The following ABCD2 variants were observed in gnomAD, a reference collection of about 807,000 sequenced individuals.
ABCD2 encodes ATP-binding cassette sub-family D member 2.
In ABCD2, 36 loss-of-function variants were observed where a neutral mutation model predicts 70.9. The ratio of observed to expected loss-of-function variants is 0.51; its 90% CI spans 0.39 to 0.67. ABCD2 has a LOEUF of 0.67. Ranked by LOEUF, ABCD2 falls within the 30% of genes least tolerant of loss-of-function variation. ABCD2 has a pLI of 0.00. For missense variants in ABCD2, 729 were observed against 890.2 expected, an observed-to-expected ratio of 0.82 and a Z score of 2.30; for synonymous variants, 304 against 306.9, an observed-to-expected ratio of 0.99 and a Z score of 0.10.
intron 5 of ABCD2, among the ~76,000 whole-genome samples, 193 bp downstream of exon 5, chr12:39,603,719 T>C (rs1231472889): frequency 1.3e-5 from 2 of 152,078 alleles, no homozygotes. Flanking sequence ...AATAAAGCAG[T>C]AGAAATCAAA....
chr12:39,570,434 T>C (rs1386658190), intron 9 of ABCD2, among the ~76,000 whole-genome samples: 4 of 152,180 alleles, frequency 2.6e-5, no homozygotes, highest in Non-Finnish European at 5.9e-5. Context: ...TAAATCCTTG[T>C]ATTTATAGTC....
intron 5 of ABCD2, among the ~76,000 whole-genome samples, chr12:39,602,255 C>T (rs560665502): frequency 4.4e-4 from 66 of 151,690 alleles, no homozygotes; most frequent in African/African-American, 1.4e-3. Context: ...TGGGTTCAAG[C>T]GATTCTTGTG....
At chr12:39,569,152 G>T (rs987265133) in intron 9 of ABCD2, among the ~76,000 whole-genome samples, 1 of 152,214 alleles carries the variant, frequency 6.6e-6, no homozygotes, top group Non-Finnish European at 1.5e-5. Flanking sequence ...TCTCTTCAAA[G>T]TTGTCAGACA....
At chr12:39,557,750 T>C (rs1941191131) in intron 9 of ABCD2, among the ~76,000 whole-genome samples, 1 of 152,094 alleles carries the variant, frequency 6.6e-6, no homozygotes, top group Non-Finnish European at 1.5e-5. Flanking sequence ...CTTCTGAGGG[T>C]ACAAGCCCCA....
chr12:39,593,223 A>C (rs899169151), intron 6 of ABCD2, among the ~76,000 whole-genome samples: 3 of 152,126 alleles, frequency 2.0e-5, no homozygotes, highest in African/African-American at 7.2e-5. Flanking sequence ...TAGAAAATGG[A>C]ACTTCACAGC....
At position 39,619,357 on chromosome 12, in the gene ABCD2, G is replaced by C. The variant is rs762731548; in HGVS notation, c.259C>G (p.Gln87Glu). Reference sequence around the variant, plus strand: ...AAAATTTTCCGAAGTTCTAGTAGCTGTTTGAAGAAATCTGCATTCACTCCA... The same window carrying C: ...AAAATTTTCCGAAGTTCTAGTAGCTCTTTGAAGAAATCTGCATTCACTCCA... ...SPGVNADFFKQLLELRKILFP... is the reference protein window; with the variant it reads ...SPGVNADFFKELLELRKILFP... Residue 87 changes from glutamine (Q) to glutamate (E), a missense_variant, in exon 1 of 10, where the codon CAG becomes GAG. This residue lies in a region of ABCD2 where 245 missense variants were observed against 261.2 expected (regional missense o/e 0.94). Coordinates refer to ENST00000308666, the MANE Select transcript of ABCD2 (RefSeq NM_005164.4). The C allele has an allele frequency of 1.1e-5, 17 of 1,613,966 alleles. No homozygotes were observed. The highest frequency in any genetic ancestry group is 8.5e-7 in the Non-Finnish European group (1 of 1,180,036).
intron 9 of ABCD2, among the ~76,000 whole-genome samples, chr12:39,570,813 A>G (rs953549528): frequency 6.6e-6 from 1 of 152,180 alleles, no homozygotes; most frequent in African/African-American, 2.4e-5. Context: ...GAATGAAGAG[A>G]TACCTATCAA....
the ABCD2 span, among the ~76,000 whole-genome samples, chr12:39,540,231 G>A: frequency 6.6e-6 from 1 of 152,182 alleles, no homozygotes; most frequent in Admixed American, 6.5e-5. Context: ...GTGAAGAGTG[G>A]TGATCTGATT....
intron 5 of ABCD2, among the ~76,000 whole-genome samples, chr12:39,602,737 T>A (rs1941917101): frequency 6.6e-6 from 1 of 152,184 alleles, no homozygotes; most frequent in African/African-American, 2.4e-5. Flanking sequence ...TCTAAATTTT[T>A]CTGCAGAAAG....
At chr12:39,533,283 A>G in the ABCD2 span, among the ~76,000 whole-genome samples, 3 of 152,234 alleles carry the variant, frequency 2.0e-5, no homozygotes, top group African/African-American at 7.2e-5. Context: ...CTTTCCTTAT[A>G]CATCTTGACT....
chr12:39,607,642 G>C lies in ABCD2; in HGVS notation c.1193C>G (p.Ser398Cys), dbSNP rs1941986995. ...AFTTARNLLA[S>C]GADAIERIMS... ...AATCCTTTCAATAGCATCAGCTCCA[G>C]AGGCCAGTAAATTTCGAGCAGTGGT... is the stretch of plus-strand genomic sequence containing the variant. Residue 398 changes from serine to cysteine, a missense_variant, in exon 3 of 10, where the codon TCT (serine) becomes TGT (cysteine). By Grantham distance (112) the Ser-to-Cys change is moderately radical. This residue lies in a region of ABCD2 where 195 missense variants were observed against 300.2 expected (regional missense o/e 0.65). Transcript: ENST00000308666. The C allele has an allele frequency of 6.2e-7, 1 of 1,613,526 alleles. No homozygotes were observed. The highest frequency in any genetic ancestry group is 8.5e-7 in the Non-Finnish European group (1 of 1,179,834).
At chr12:39,559,477 A>T (rs190389536) in intron 9 of ABCD2, among the ~76,000 whole-genome samples, 1 of 151,744 alleles carries the variant, frequency 6.6e-6, no homozygotes, top group South Asian at 2.1e-4. Flanking sequence ...TAAATAAATC[A>T]TAGCAGAAAC....
Position 39,578,473 on chromosome 12 carries a change from C to CAA in ABCD2, c.1877+1060_1877+1061dup, listed in dbSNP as rs397850133. 2.6e-3 allele frequency among the ~76,000 whole-genome samples: 177 copies of CAA among 66,992 alleles called. 1 individual carries two copies. Among genetic ancestry groups the CAA allele is most frequent in the African/African-American group, 8.5e-3 (154 of 18,098 alleles). The allele number at this position is 66,992 out of a possible 152,430, so 43.9% of individuals were successfully genotyped here. A position where few individuals can be genotyped will look rare whatever the true frequency, so the allele number is the denominator to read the frequency against. ...TGGGCGACAGAGCAAGACTCCGTCT[C>CAA]AAAAAAAAAAAAAAAAAAAAGTGAG... On this transcript the variant is annotated intron_variant, in intron 8 of 9. Transcript: ENST00000308666.
chr12:39,577,905 T>C (rs1412872434), intron 8 of ABCD2, among the ~76,000 whole-genome samples: 1 of 152,186 alleles, frequency 6.6e-6, no homozygotes, highest in Non-Finnish European at 1.5e-5. Flanking sequence ...TTACAATTTC[T>C]CTTTTTTGAT....
chr12:39,539,095 T>C, the ABCD2 span, among the ~76,000 whole-genome samples: 1 of 152,196 alleles, frequency 6.6e-6, no homozygotes. Flanking sequence ...TTCAATAAGA[T>C]ACTTTGATAT....
intron 5 of ABCD2, 98 bp from the exon 6 acceptor site, chr12:39,600,814 T>C: frequency 1.7e-6 from 2 of 1,157,344 alleles, no homozygotes; most frequent in South Asian, 3.1e-5. Context: ...TTCGAAAACA[T>C]GATAACCTAG....
At chr12:39,583,698 GTC>G (rs1289651943) in intron 7 of ABCD2, among the ~76,000 whole-genome samples, 1 of 151,960 alleles carries the variant, frequency 6.6e-6, no homozygotes, top group Non-Finnish European at 1.5e-5. Flanking sequence ...GTAGACCTGA[GTC>G]TCTGTTGTTT....
At chr12:39,609,690 G>A (rs1942019102) in intron 2 of ABCD2, among the ~76,000 whole-genome samples, 1 of 152,032 alleles carries the variant, frequency 6.6e-6, no homozygotes, top group African/African-American at 2.4e-5. Context: ...TTGATATTTA[G>A]TTCACTCTAA....
At chr12:39,542,784 G>C in the ABCD2 span, among the ~76,000 whole-genome samples, 1 of 152,172 alleles carries the variant, frequency 6.6e-6, no homozygotes, top group Non-Finnish European at 1.5e-5. Context: ...TGAGGATAAG[G>C]GTCAGTTTTT....
Sources: allele counts gnomAD v4.1 joint callset (sites outside exome capture counted in the v4.1 genomes callset), GRCh38; gene constraint gnomAD v4.1.1; regional missense constraint gnomAD v4.1.1; transcripts MANE v1.5; gene names NCBI Gene and HGNC (gene_info 2026-07-23, HGNC 2026-07-21).